TMEM132D: variants seen among roughly 807,000 people sequenced by gnomAD.
TMEM132D encodes mature OL transmembrane protein.
TMEM132D carries 21 observed loss-of-function variants against 62.3 expected under a neutral mutation model. That is an observed-to-expected ratio of 0.34 (90% CI 0.24 to 0.49). The LOEUF (loss-of-function observed/expected upper bound fraction) is 0.49. Among genes scored for constraint, TMEM132D ranks in the 20% least tolerant of loss-of-function variants. The probability of loss-of-function intolerance (pLI) is 0.99; values close to 1 mark genes in which losing one functional copy is unlikely to be tolerated. For missense variants in TMEM132D, 1,346 were observed against 1,402.8 expected, an observed-to-expected ratio of 0.96 and a Z score of 0.65; for synonymous variants, 621 against 575.6, an observed-to-expected ratio of 1.08 and a Z score of -1.13.
intron 2 of TMEM132D, among the ~76,000 whole-genome samples, chr12:129,584,703 A>G (rs567928756): frequency 1.3e-5 from 2 of 152,336 alleles, no homozygotes; most frequent in African/African-American, 4.8e-5. Flanking sequence ...CTTGGCTTCA[A>G]CCTGTGGGTT....
intron 1 of TMEM132D, among the ~76,000 whole-genome samples, chr12:129,902,666 CG>C (rs2137404387): frequency 1.3e-5 from 2 of 152,326 alleles, no homozygotes; most frequent in South Asian, 4.1e-4. Context: ...CAGCACCCTA[CG>C]GAAGGGTGAG....
intron 3 of TMEM132D, among the ~76,000 whole-genome samples, chr12:129,467,229 A>G (rs1873938567): frequency 6.6e-6 from 1 of 152,150 alleles, no homozygotes; most frequent in Non-Finnish European, 1.5e-5. Context: ...GGGAAATTCA[A>G]AGGGTGGGTC....
intron 3 of TMEM132D, among the ~76,000 whole-genome samples, chr12:129,409,369 C>T (rs1205204015): frequency 1.3e-5 from 2 of 152,226 alleles, no homozygotes; most frequent in African/African-American, 2.4e-5. Flanking sequence ...CACAACACTA[C>T]ATTCCCTTAT....
intron 3 of TMEM132D, among the ~76,000 whole-genome samples, chr12:129,520,413 T>A (rs191812033): frequency 4.3e-4 from 66 of 152,356 alleles, no homozygotes; most frequent in Non-Finnish European, 7.1e-4. Flanking sequence ...ATGGAATTCA[T>A]TAGTAGTGAC....
chr12:129,255,858 C>T (rs930722412), intron 4 of TMEM132D, among the ~76,000 whole-genome samples: 13 of 152,178 alleles, frequency 8.5e-5, no homozygotes, highest in African/African-American at 3.1e-4. Context: ...CTCCTTATCG[C>T]TCATTGACTA....
Position 129,273,195 on chromosome 12 carries a change from CCAAACAAA to C in TMEM132D, c.1300-63540_1300-63533del, listed in dbSNP as rs144669422. 8.8e-3 allele frequency among the ~76,000 whole-genome samples: 1,332 copies of C among 151,328 alleles called. 41 individuals carry two copies. The highest frequency in any genetic ancestry group is 0.028 in the African/African-American group (1,147 of 40,904). On this transcript the variant is annotated intron_variant, in intron 4 of 8. Transcript: ENST00000422113. ...TGGGTGACAGAGTGAGATTCTGTTT[CCAAACAAA>C]CAAACAAACAAACAAACAAAAAACA...
intron 2 of TMEM132D, among the ~76,000 whole-genome samples, chr12:129,672,228 G>A (rs989707288): frequency 2.2e-4 from 33 of 152,174 alleles, no homozygotes; most frequent in African/African-American, 7.0e-4. Flanking sequence ...ATGTAGCCAC[G>A]TGACCACGTT....
chr12:129,145,835 AAG>A (rs1876878465), intron 5 of TMEM132D, among the ~76,000 whole-genome samples: 1 of 152,146 alleles, frequency 6.6e-6, no homozygotes, highest in African/African-American at 2.4e-5. Context: ...AGGGGTGTCC[AAG>A]AGAGAGAATA....
At chr12:129,586,293 T>C (rs966889107) in intron 2 of TMEM132D, among the ~76,000 whole-genome samples, 3 of 152,044 alleles carry the variant, frequency 2.0e-5, no homozygotes, top group African/African-American at 7.3e-5. Flanking sequence ...CAAGGCCACC[T>C]TCAAGGCCAC....
intron 1 of TMEM132D, among the ~76,000 whole-genome samples, chr12:129,747,215 T>TCTCCCTCCTCCCG (rs1555229164): frequency 5.0e-4 from 13 of 26,142 alleles, no homozygotes; most frequent in Admixed American, 8.4e-4. Flanking sequence ...TACTCCTCCT[T>TCTCCCTCCTCCCG]CCAGCCACCC....
chr12:129,239,988 G>A (rs1449318398), intron 4 of TMEM132D, among the ~76,000 whole-genome samples: 2 of 152,126 alleles, frequency 1.3e-5, no homozygotes, highest in Non-Finnish European at 2.9e-5. Flanking sequence ...CTCTTTGCAA[G>A]GAAAAGGGAG....
chr12:129,283,423 C>G (rs1350460614), intron 4 of TMEM132D, among the ~76,000 whole-genome samples: 2 of 152,132 alleles, frequency 1.3e-5, no homozygotes, highest in African/African-American at 4.8e-5. Flanking sequence ...AACGCCTGAC[C>G]TCAGGTGATC....
At chr12:129,330,670 C>CT (rs1433911267) in intron 4 of TMEM132D, among the ~76,000 whole-genome samples, 2 of 152,198 alleles carry the variant, frequency 1.3e-5, no homozygotes, top group African/African-American at 4.8e-5. Flanking sequence ...CCCTGCTCTA[C>CT]CTCGGGACTC....
intron 5 of TMEM132D, among the ~76,000 whole-genome samples, chr12:129,088,622 CG>C (rs1457153368): frequency 1.8e-5 from 1 of 56,132 alleles, no homozygotes; most frequent in African/African-American, 1.3e-4. Context: ...CCTCCATGAC[CG>C]GGGTGTCCTC....
intron 1 of TMEM132D, among the ~76,000 whole-genome samples, chr12:129,813,360 A>G (rs1042846639): frequency 2.6e-5 from 4 of 151,858 alleles, no homozygotes; most frequent in African/African-American, 9.6e-5. Context: ...TCCCTGCTTA[A>G]CACCCTTCAT....
chr12:129,741,680 A>G (rs1057461713), intron 1 of TMEM132D, among the ~76,000 whole-genome samples: 2 of 152,312 alleles, frequency 1.3e-5, no homozygotes, highest in East Asian at 3.9e-4. Context: ...CCACTGTGGC[A>G]ATTAGGACTG....
chr12:129,357,289 GAGAA>G (rs548438915), intron 3 of TMEM132D, among the ~76,000 whole-genome samples: 32 of 147,024 alleles, frequency 2.2e-4, no homozygotes, highest in African/African-American at 5.3e-4. Flanking sequence ...AGGGAGGAAG[GAGAA>G]AGAAAGAAAG....
intron 5 of TMEM132D, among the ~76,000 whole-genome samples, chr12:129,129,174 T>C (rs1876299575): frequency 6.6e-6 from 1 of 152,136 alleles, no homozygotes; most frequent in Admixed American, 6.5e-5. Context: ...CCTGTGTCTA[T>C]TGTTGACATC....
chr12:129,598,924 A>G (rs918945035), intron 2 of TMEM132D, among the ~76,000 whole-genome samples: 1 of 152,192 alleles, frequency 6.6e-6, no homozygotes, highest in African/African-American at 2.4e-5. Flanking sequence ...AGACCATCTC[A>G]TGGCACTGCA....
Sources: allele counts gnomAD v4.1 joint callset (sites outside exome capture counted in the v4.1 genomes callset), GRCh38; gene constraint gnomAD v4.1.1; transcripts MANE v1.5; gene names NCBI Gene and HGNC (gene_info 2026-07-23, HGNC 2026-07-21).